Variants in DHRS12 observed in about 807,000 individuals in gnomAD.
DHRS12 encodes the protein dehydrogenase/reductase 12.
Under a neutral mutation model 32.1 loss-of-function variants are expected in DHRS12, and 29 were observed. The ratio of observed to expected loss-of-function variants is 0.90; its 90% CI spans 0.67 to 1.23. The LOEUF (loss-of-function observed/expected upper bound fraction) is 1.23. Ranked by LOEUF, DHRS12 falls within the 50% of genes most tolerant of loss-of-function variation. The pLI, the probability that DHRS12 is intolerant of heterozygous loss-of-function variation, is 0.00. For missense variants in DHRS12, 330 were observed against 337.2 expected (o/e 0.98, Z 0.17); for synonymous variants, 150 against 135.9 (o/e 1.10, Z -0.72).
intron 1 of DHRS12, among the ~76,000 whole-genome samples, chr13:51,800,001 G>T (rs529251054): frequency 2.0e-5 from 3 of 152,270 alleles, no homozygotes; most frequent in African/African-American, 7.2e-5. Flanking sequence ...TCCCTTTTGT[G>T]GGGGGCAGGT....
chr13:51,804,030 C>A, intron 1 of DHRS12, 24 bp downstream of exon 1: 1 of 1,465,338 alleles, frequency 6.8e-7, no homozygotes, highest in Non-Finnish European at 9.0e-7. Context: ...GCCCGGGGCC[C>A]CGCGCCCCGC....
chr13:51,773,662 G>C (rs1954155591), intron 6 of DHRS12, among the ~76,000 whole-genome samples: 1 of 152,072 alleles, frequency 6.6e-6, no homozygotes, highest in African/African-American at 2.4e-5. Context: ...GGATCCCCCT[G>C]CTAGGATCCT....
intron 3 of DHRS12, 47 bp from the exon 4 acceptor site, chr13:51,790,139 A>G: frequency 6.7e-7 from 1 of 1,489,128 alleles, no homozygotes; most frequent in Non-Finnish European, 9.1e-7. Flanking sequence ...ATAGGGCCAA[A>G]AGACCTATTT....
chr13:51,756,689 A>T, the DHRS12 span: 14 of 972,940 alleles, frequency 1.4e-5, no homozygotes, highest in Non-Finnish European at 1.7e-5. Flanking sequence ...TGTTCTTTCT[A>T]ATTTCTAGGT....
downstream of DHRS12, chr13:51,766,365 C>T (rs963694319): frequency 1.3e-5 from 2 of 152,220 alleles, no homozygotes; most frequent in South Asian, 2.1e-4. Context: ...CTACATCCAC[C>T]GGACTGCAGC....
At chr13:51,786,396 TC>T (rs1212711653) in intron 4 of DHRS12, among the ~76,000 whole-genome samples, 2 of 151,850 alleles carry the variant, frequency 1.3e-5, no homozygotes, top group Non-Finnish European at 2.9e-5. Flanking sequence ...CTGTCTTCAC[TC>T]CTCATGGACT....
chr13:51,795,566 C>G (rs994039383), intron 2 of DHRS12, among the ~76,000 whole-genome samples: 6 of 152,072 alleles, frequency 3.9e-5, no homozygotes, highest in African/African-American at 1.4e-4. Flanking sequence ...ATTGATTTCC[C>G]AGGTGATTAA....
intron 2 of DHRS12, among the ~76,000 whole-genome samples, chr13:51,795,446 G>A (rs1450062214): frequency 2.0e-5 from 3 of 152,198 alleles, no homozygotes; most frequent in African/African-American, 7.2e-5. Flanking sequence ...TATTGATTGA[G>A]AGCTGTTTGT....
At chr13:51,759,910 G>A in the DHRS12 span, 1 of 860,640 alleles carries the variant, frequency 1.2e-6, no homozygotes, top group Admixed American at 2.5e-5. Flanking sequence ...GATTACCCAT[G>A]TGCACAGTGG....
At chr13:51,779,998 G>A (rs892712948) in intron 4 of DHRS12, among the ~76,000 whole-genome samples, 1 of 151,950 alleles carries the variant, frequency 6.6e-6, no homozygotes, top group African/African-American at 2.4e-5. Flanking sequence ...CTAACGTGGC[G>A]AAACCCCATC....
chr13:51,773,847 G>T, intron 6 of DHRS12, 83 bp downstream of exon 6: 1 of 1,158,152 alleles, frequency 8.6e-7, no homozygotes, highest in Non-Finnish European at 1.3e-6. Flanking sequence ...CGATTAATGT[G>T]CATCCCAGAG....
At chr13:51,756,398 CT>C in the DHRS12 span, 36 of 1,614,174 alleles carry the variant, frequency 2.2e-5, 1 homozygote, top group South Asian at 3.8e-4. Flanking sequence ...CTCCATCCCC[CT>C]GATGGGCTTC....
intron 1 of DHRS12, among the ~76,000 whole-genome samples, chr13:51,800,286 T>G (rs747370192): frequency 4.6e-5 from 7 of 152,246 alleles, no homozygotes; most frequent in Admixed American, 6.5e-5. Flanking sequence ...GAAAAGCATA[T>G]TGCAGAAGAG....
At chr13:51,758,724 T>C in the DHRS12 span, among the ~76,000 whole-genome samples, 2 of 152,100 alleles carry the variant, frequency 1.3e-5, no homozygotes, top group Non-Finnish European at 2.9e-5. Flanking sequence ...AAAAAGACTG[T>C]AATAGGTCAC....
At chr13:51,800,112 AAAG>A (rs1031395748) in intron 1 of DHRS12, among the ~76,000 whole-genome samples, 8 of 152,140 alleles carry the variant, frequency 5.3e-5, no homozygotes, top group African/African-American at 1.2e-4. Flanking sequence ...AGTAGGGAAT[AAAG>A]GAGGAGGATG....
chr13:51,801,397 A>G (rs1955747255), intron 1 of DHRS12, among the ~76,000 whole-genome samples: 1 of 152,154 alleles, frequency 6.6e-6, no homozygotes, highest in Non-Finnish European at 1.5e-5. Context: ...CATGTTGGCC[A>G]TGCTGGTCTC....
At chr13:51,771,323 C>G in intron 7 of DHRS12, 1 of 1,589,332 alleles carries the variant, frequency 6.3e-7, no homozygotes, top group Non-Finnish European at 8.6e-7. Context: ...GAGGCCAATC[C>G]GGAAGAGAAT....
intron 2 of DHRS12, among the ~76,000 whole-genome samples, chr13:51,793,475 T>C (rs1324341447): frequency 6.6e-6 from 1 of 152,220 alleles, no homozygotes; most frequent in Non-Finnish European, 1.5e-5. Context: ...TTAAAACATA[T>C]TGTTTTCTCA....
chr13:51,788,436 G>A (rs1182065156), intron 4 of DHRS12, among the ~76,000 whole-genome samples: 4 of 152,174 alleles, frequency 2.6e-5, no homozygotes, highest in African/African-American at 9.7e-5. Flanking sequence ...CATCACTGGG[G>A]AGAAGGCATC....
Sources: gnomAD v4.1 joint callset for allele counts (sites outside exome capture counted in the v4.1 genomes callset) on GRCh38, gnomAD v4.1.1 for gene constraint, MANE v1.5 for transcripts, NCBI Gene and HGNC (gene_info 2026-07-23, HGNC 2026-07-21) for gene names.